EYA1: variants seen among roughly 807,000 people sequenced by gnomAD.
EYA1 encodes the protein EYA transcriptional coactivator and phosphatase 1.
In EYA1, 16 loss-of-function variants were observed where a neutral mutation model predicts 82.0. That is an observed-to-expected ratio of 0.20 (90% CI 0.13 to 0.30). EYA1 has a LOEUF of 0.30. EYA1 is among the 10% of genes least tolerant of loss of function. The pLI, the probability that EYA1 is intolerant of heterozygous loss-of-function variation, is 1.00. For synonymous variants in EYA1, 261 were observed against 264.4 expected (o/e 0.99, Z 0.12); for missense variants, 633 against 730.7 (o/e 0.87, Z 1.54).
intron 2 of EYA1, among the ~76,000 whole-genome samples, chr8:71,522,619 C>CT (rs35579621): frequency 0.12 from 15,852 of 135,458 alleles, 1,246 homozygotes; most frequent in Non-Finnish European, 0.16. Flanking sequence ...TCAATACAAA[C>CT]TTTTTTTTTT....
rs546668036 is a variant in EYA1 at position 71,367,828 on chromosome 8, G to T, written c.34-11317C>A. On this transcript the variant is annotated intron_variant, in intron 2 of 18. Transcript: ENST00000643681. ...TACTTTAGTATACTATGGTGTGAGG[G>T]TTAAAAAGTAGACTTTATGTGACAT... is the stretch of plus-strand genomic sequence containing the variant. Among the ~76,000 whole-genome samples the T allele has an allele frequency of 2.6e-5, 4 of 152,264 alleles. No individual in the cohort carries two copies. In the South Asian group the frequency reaches 8.3e-4, roughly 32 times the overall value.
At chr8:71,211,108 G>A (rs1808449761) in intron 17 of EYA1, 48 bp downstream of exon 17, 2 of 1,153,888 alleles carry the variant, frequency 1.7e-6, no homozygotes, top group East Asian at 2.3e-5. Context: ...AGAATACTGA[G>A]GACTGAAAAA....
chr8:71,317,560 T>C lies in EYA1; in HGVS notation c.548A>G (p.Gln183Arg), dbSNP rs794727845. The change falls in exon 7 of 18, where the codon CAG becomes CGG. Residue 183 changes from glutamine to arginine, a missense_variant. Coordinates refer to ENST00000340726, the MANE Select transcript of EYA1 (RefSeq NM_000503.6). ...AATGTGTATATACAGACCTTGCATCTGGTAGCTGTATGGTGCCTGTCCAGG... is the reference window on the plus strand; with the variant it reads ...AATGTGTATATACAGACCTTGCATCCGGTAGCTGTATGGTGCCTGTCCAGG... The part of the protein sequence containing the change: ...PQPGQAPYSY[Q>R]MQGSSFTTSS... The C allele has an allele frequency of 1.2e-6, 2 of 1,614,038 alleles. No individual in the cohort carries two copies. The highest frequency in any genetic ancestry group is 1.3e-5 in the African/African-American group (1 of 74,930).
intron 2 of EYA1, among the ~76,000 whole-genome samples, chr8:71,522,619 C>CTTTTTT (rs35579621): frequency 7.4e-6 from 1 of 135,572 alleles, no homozygotes; most frequent in Non-Finnish European, 1.6e-5. Flanking sequence ...TCAATACAAA[C>CTTTTTT]TTTTTTTTTT....
intron 2 of EYA1, among the ~76,000 whole-genome samples, chr8:71,463,555 T>C (rs1267286064): frequency 6.7e-6 from 1 of 148,756 alleles, no homozygotes; most frequent in African/African-American, 2.5e-5. Flanking sequence ...GCTTAGGTTA[T>C]TTCTTAAGAA....
intron 3 of EYA1, among the ~76,000 whole-genome samples, chr8:71,338,063 C>T (rs1445402): frequency 0.11 from 16,770 of 152,194 alleles, 1,672 homozygotes; most frequent in African/African-American, 0.26. Context: ...TGTCTCTTTA[C>T]GACAAATCAA....
intron 7 of EYA1, among the ~76,000 whole-genome samples, chr8:71,306,930 C>G (rs925636178): frequency 1.3e-5 from 2 of 152,152 alleles, no homozygotes; most frequent in African/African-American, 4.8e-5. Context: ...ATGGATAAAC[C>G]ATGTCTGACT....
intron 2 of EYA1, among the ~76,000 whole-genome samples, chr8:71,368,393 C>G (rs1031638016): frequency 6.6e-6 from 1 of 152,070 alleles, no homozygotes; most frequent in Admixed American, 6.5e-5. Context: ...TGTTCACTTT[C>G]CTTCCTGTCT....
intron 12 of EYA1, among the ~76,000 whole-genome samples, chr8:71,231,565 A>G (rs1811200625): frequency 6.6e-6 from 1 of 152,180 alleles, no homozygotes; most frequent in South Asian, 2.1e-4. Context: ...ATGACCACAG[A>G]CATCTCCATC....
At position 71,324,169 on chromosome 8, in the gene EYA1, T is replaced by A. The variant is rs1448311963; in HGVS notation, c.203-1901A>T. ...AACTCAATAGGTTGTACCCAACAAT[T>A]TTTTTCTTTTTTCTTTCTTTTTAAC... On this transcript the variant is annotated intron_variant, in intron 4 of 17. Transcript: ENST00000340726. 2.0e-5 allele frequency among the ~76,000 whole-genome samples: 3 copies of A among 152,288 alleles called. No homozygotes were observed. In the East Asian group the frequency reaches 5.8e-4, roughly 29 times the overall value.
intron 1 of EYA1, among the ~76,000 whole-genome samples, chr8:71,536,504 A>G (rs978243642): frequency 6.6e-6 from 1 of 152,128 alleles, no homozygotes; most frequent in Non-Finnish European, 1.5e-5. Context: ...ACATGTAGCT[A>G]TCTTCAAAAA....
chr8:71,345,923 C>A (rs1288078098), intron 3 of EYA1, among the ~76,000 whole-genome samples: 1 of 152,016 alleles, frequency 6.6e-6, no homozygotes, highest in Non-Finnish European at 1.5e-5. Flanking sequence ...TATCTGGAGC[C>A]CTTCATCATC....
intron 3 of EYA1, among the ~76,000 whole-genome samples, chr8:71,351,503 G>T (rs946092729): frequency 2.0e-5 from 3 of 152,160 alleles, no homozygotes; most frequent in Admixed American, 6.5e-5. Flanking sequence ...TCACAGAGGG[G>T]TTGGAAGGAT....
intron 2 of EYA1, among the ~76,000 whole-genome samples, chr8:71,426,380 T>G (rs1421872685): frequency 6.6e-6 from 1 of 152,228 alleles, no homozygotes; most frequent in Non-Finnish European, 1.5e-5. Flanking sequence ...ACATATTTGA[T>G]GTACAAGATC....
rs186249248 is a variant in EYA1, at chr8:71,217,038, A to C, written c.1141-15T>G. The stretch of plus-strand genomic sequence containing the variant: ...TGGTCACATTCCTAAAATGCAATTA[A>C]AATGATACATGTCAATTTTTTAAGA... On this transcript the variant is annotated splice_polypyrimidine_tract_variant and intron_variant, in intron 12 of 17. Coordinates refer to ENST00000340726, the MANE Select transcript of EYA1 (RefSeq NM_000503.6). 1,083 of 1,597,856 alleles carry C rather than the reference A, an allele frequency of 6.8e-4. 14 individuals are homozygous for C. The Admixed American group carries it at 0.015, about 21-fold the overall frequency.
chr8:71,312,490 A>T (rs1821449037), intron 7 of EYA1, among the ~76,000 whole-genome samples: 1 of 152,254 alleles, frequency 6.6e-6, no homozygotes, highest in Admixed American at 6.5e-5. Context: ...TCCATTGCCC[A>T]GGCGGGAGTG....
intron 2 of EYA1, among the ~76,000 whole-genome samples, chr8:71,504,356 TAGAA>T (rs1160069574): frequency 6.6e-6 from 1 of 152,174 alleles, no homozygotes; most frequent in African/African-American, 2.4e-5. Context: ...ATATGCATAA[TAGAA>T]ATAAACTATT....
At chr8:71,380,121 T>G (rs1028847324) in intron 2 of EYA1, among the ~76,000 whole-genome samples, 1 of 152,222 alleles carries the variant, frequency 6.6e-6, no homozygotes, top group African/African-American at 2.4e-5. Flanking sequence ...CACTTCTCTC[T>G]CCTTGGATTG....
intron 1 of EYA1, among the ~76,000 whole-genome samples, chr8:71,358,703 A>C (rs1827120406): frequency 6.6e-6 from 1 of 152,174 alleles, no homozygotes; most frequent in Non-Finnish European, 1.5e-5. Flanking sequence ...GTGCAGAAGG[A>C]AACATAGTCT....
Sources: allele counts gnomAD v4.1 joint callset (sites outside exome capture counted in the v4.1 genomes callset), GRCh38; gene constraint gnomAD v4.1.1; transcripts MANE v1.5; gene names NCBI Gene and HGNC (gene_info 2026-07-23, HGNC 2026-07-21).